Variants in SDK2 observed in about 807,000 individuals in gnomAD.
SDK2 encodes the protein sidekick cell adhesion molecule 2, also known as protein sidekick-2.
Under a neutral mutation model 253.9 loss-of-function variants are expected in SDK2, and 105 were observed. That is an observed-to-expected ratio of 0.41 (90% confidence interval 0.35 to 0.49). The LOEUF is 0.49. Among genes scored for constraint, SDK2 ranks in the 20% least tolerant of loss-of-function variants. The probability of loss-of-function intolerance (pLI) is 0.06; values close to 1 mark genes in which losing one functional copy is unlikely to be tolerated. For synonymous variants in SDK2, 1,249 were observed against 1,234.9 expected (o/e 1.01, Z -0.24); for missense variants, 2,608 against 3,003.0 (o/e 0.87, Z 3.07).
intron 1 of SDK2, among the ~76,000 whole-genome samples, chr17:73,614,913 G>T (rs898413866): frequency 6.6e-6 from 1 of 151,188 alleles, no homozygotes; most frequent in Non-Finnish European, 1.5e-5. Flanking sequence ...GGTTAGAAGC[G>T]CAAACCTCAG....
chr17:73,516,387 T>C (rs945307448), intron 1 of SDK2, among the ~76,000 whole-genome samples: 16 of 152,104 alleles, frequency 1.1e-4, no homozygotes, highest in African/African-American at 3.6e-4. Flanking sequence ...ACTAGCTAGG[T>C]GGGGCAGGGA....
In SDK2 at chr17:73,387,818, C is replaced by T; in HGVS notation, c.4394+18G>A. ...GGGAGAGGGGCAGTGGGGATGCTGG[C>T]ATGGACCCGAGCCTTACCTGTCCAC... On this transcript the variant is annotated intron_variant, in intron 30 of 44. Transcript: ENST00000392650. 6.5e-7 allele frequency: 1 copy of T among 1,534,180 alleles called. No homozygotes were observed.
At chr17:73,413,155 C>T (rs2063153342) in intron 18 of SDK2, among the ~76,000 whole-genome samples, 1 of 152,074 alleles carries the variant, frequency 6.6e-6, no homozygotes, top group Non-Finnish European at 1.5e-5. Context: ...CTCACATTAC[C>T]ACCTAAACTC....
chr17:73,493,041 GCT>G (rs2063817895), intron 2 of SDK2, among the ~76,000 whole-genome samples: 1 of 152,210 alleles, frequency 6.6e-6, no homozygotes, highest in African/African-American at 2.4e-5. Context: ...CTCCAGCCCA[GCT>G]GTGTGCGGAA....
intron 2 of SDK2, 44 bp downstream of exon 2, chr17:73,507,394 G>T: frequency 6.5e-7 from 1 of 1,529,110 alleles, no homozygotes. Flanking sequence ...AAGCAGGGCA[G>T]TGGTCCTGGC....
intron 1 of SDK2, among the ~76,000 whole-genome samples, chr17:73,604,986 C>G (rs913131633): frequency 1.3e-5 from 2 of 152,138 alleles, no homozygotes; most frequent in African/African-American, 2.4e-5. Flanking sequence ...AGAGAGGCAA[C>G]CCCAGAAGGC....
chr17:73,382,890 G>A lies in SDK2; in HGVS notation c.4705+986C>T, dbSNP rs142119947. ...ACAACAACGACAACATTAGCTGGGC[G>A]TGGTGGCACACGCCTGGAGTCCTAG... is the stretch of plus-strand genomic sequence containing the variant. On this transcript the variant is annotated intron_variant, in intron 33 of 44. Coordinates refer to ENST00000392650, the MANE Select transcript of SDK2 (RefSeq NM_001144952.2). Among the ~76,000 whole-genome samples the A allele has an allele frequency of 3.2e-3, 485 of 152,300 alleles. 2 individuals carry two copies. Among genetic ancestry groups the A allele is most frequent in the African/African-American group, 0.011 (459 of 41,558 alleles).
At chr17:73,500,706 C>T (rs1249249935) in intron 2 of SDK2, among the ~76,000 whole-genome samples, 1 of 147,600 alleles carries the variant, frequency 6.8e-6, no homozygotes, top group Non-Finnish European at 1.5e-5. Context: ...CATCCTCCTT[C>T]CGTCTCCTCC....
chr17:73,551,218 C>T (rs146960395), intron 1 of SDK2, among the ~76,000 whole-genome samples: 139 of 152,274 alleles, frequency 9.1e-4, no homozygotes, highest in African/African-American at 3.1e-3. Flanking sequence ...TGGGTGATGG[C>T]GGCCGGCTCC....
In SDK2 at chr17:73,481,077, A is replaced by G. The variant is rs911763385; in HGVS notation, c.225-8859T>C. Among the ~76,000 whole-genome samples, 6 of 152,180 alleles carry G rather than the reference A, an allele frequency of 3.9e-5. No homozygotes were observed. The highest frequency in any genetic ancestry group is 1.4e-4 in the African/African-American group (6 of 41,438). On this transcript the variant is annotated intron_variant, in intron 2 of 44. Coordinates refer to ENST00000392650, the MANE Select transcript of SDK2 (RefSeq NM_001144952.2). The surrounding 1 kb of genome is among the most constrained non-coding windows in gnomAD (Gnocchi z 4.5). ...CATTTGAAGGGGAGGCAGCAGCCTCAGGAGGGGAAGGGTTAGGGGAAGATC... is the reference window on the plus strand; with the variant it reads ...CATTTGAAGGGGAGGCAGCAGCCTCGGGAGGGGAAGGGTTAGGGGAAGATC...
intron 39 of SDK2, among the ~76,000 whole-genome samples, chr17:73,360,473 G>C (rs1036820436): frequency 6.6e-5 from 10 of 152,184 alleles, no homozygotes; most frequent in African/African-American, 2.4e-4. Context: ...GGAAGTCCAG[G>C]ATGGGCTGTA....
rs2063522080 is a variant in SDK2 at position 73,455,871 on chromosome 17, C to G, written c.479+35G>C. ...CCCAAACCTCCTCCCCCAGACACCCCTCCCCTCCCCGTCCCCTCAGAGCGA... is the reference window on the plus strand; with the variant it reads ...CCCAAACCTCCTCCCCCAGACACCCGTCCCCTCCCCGTCCCCTCAGAGCGA... On this transcript the variant is annotated intron_variant, in intron 4 of 44. Coordinates refer to ENST00000392650, the MANE Select transcript of SDK2 (RefSeq NM_001144952.2). This position sits in a 1 kb window ranked among gnomAD's most constrained non-coding sequence, Gnocchi z 5.0. 6.6e-7 allele frequency: 1 copy of G among 1,514,206 alleles called. No homozygotes were observed. The highest frequency in any genetic ancestry group is 1.4e-5 in the African/African-American group (1 of 72,282). The allele number at this position is 1,514,206 out of a possible 1,614,324, so 93.8% of individuals were successfully genotyped here.
intron 1 of SDK2, among the ~76,000 whole-genome samples, chr17:73,584,303 G>A (rs1021824576): frequency 1.3e-5 from 2 of 152,210 alleles, no homozygotes; most frequent in African/African-American, 2.4e-5. Flanking sequence ...TGGGCTGGCC[G>A]GTGCTACAGG....
chr17:73,474,880 G>C (rs1042733240), intron 2 of SDK2, among the ~76,000 whole-genome samples: 5 of 152,278 alleles, frequency 3.3e-5, no homozygotes, highest in Admixed American at 3.3e-4. Context: ...AATAGAAATG[G>C]CTGATAAACT....
intron 1 of SDK2, among the ~76,000 whole-genome samples, chr17:73,592,886 A>G (rs748994488): frequency 1.3e-5 from 2 of 152,118 alleles, no homozygotes; most frequent in Non-Finnish European, 2.9e-5. Flanking sequence ...CCGTCTCCCA[A>G]GCATATTTCA....
chr17:73,441,846 T>G (rs2063418920), intron 5 of SDK2, among the ~76,000 whole-genome samples: 1 of 152,142 alleles, frequency 6.6e-6, no homozygotes, highest in Admixed American at 6.5e-5. Flanking sequence ...CCCCCACCCA[T>G]TCATATGTTG....
intron 1 of SDK2, among the ~76,000 whole-genome samples, chr17:73,559,604 CG>C (rs373801101): frequency 0.024 from 3,335 of 138,178 alleles, 145 homozygotes; most frequent in East Asian, 0.11. Context: ...CTGTGCCCCC[CG>C]CCCCCGCCAC....
At chr17:73,445,245 A>C (rs1280445543) in intron 5 of SDK2, among the ~76,000 whole-genome samples, 1 of 152,250 alleles carries the variant, frequency 6.6e-6, no homozygotes, top group Non-Finnish European at 1.5e-5. Flanking sequence ...TATGTTAAAA[A>C]GATAACTTCT....
Position 73,586,854 on chromosome 17 carries a change from G to A in SDK2, c.64+57171C>T, listed in dbSNP as rs951218802. On this transcript the variant is annotated intron_variant, in intron 1 of 44. Transcript: ENST00000392650. The stretch of plus-strand genomic sequence containing the variant: ...ATGAGGAGGAATAGGTTGGGAATAT[G>A]AGCCCCATTTTAGAGATGGAAAAAC... 2.0e-5 allele frequency among the ~76,000 whole-genome samples: 3 copies of A among 152,194 alleles called. No individual in the cohort carries two copies. In the South Asian group the frequency reaches 6.2e-4, roughly 32 times the overall value.
Sources: allele counts gnomAD v4.1 joint callset (sites outside exome capture counted in the v4.1 genomes callset), GRCh38; gene constraint gnomAD v4.1.1; non-coding constraint Gnocchi (gnomAD v3.1); transcripts MANE v1.5; gene names NCBI Gene and HGNC (gene_info 2026-07-23, HGNC 2026-07-21).